ANKRD11: variants seen among roughly 807,000 people sequenced by gnomAD.
ANKRD11 encodes ankyrin repeat domain 11, also known as ankyrin repeat domain-containing protein 11.
Under a neutral mutation model 195.7 loss-of-function variants are expected in ANKRD11, and 17 were observed. The ratio of observed to expected loss-of-function variants is 0.09; its 90% CI spans 0.06 to 0.13. The LOEUF is 0.13. Among genes scored for constraint, ANKRD11 ranks in the 10% least tolerant of loss-of-function variants. The probability of loss-of-function intolerance (pLI) is 1.00; values close to 1 mark genes in which losing one functional copy is unlikely to be tolerated. For missense variants in ANKRD11, 3,735 were observed against 3,566.1 expected (o/e 1.05, Z -1.21); for synonymous variants, 1,953 against 1,528.1 (o/e 1.28, Z -6.49).
chr16:89,278,624 G>A (rs1216406564), intron 9 of ANKRD11: 4 of 459,874 alleles, frequency 8.7e-6, no homozygotes, highest in African/African-American at 2.0e-5. Flanking sequence ...GGAGGAGGTG[G>A]GGGAAGGGAC....
intron 1 of ANKRD11, among the ~76,000 whole-genome samples, chr16:89,419,656 A>T (rs557074981): frequency 7.6e-4 from 116 of 152,310 alleles, no homozygotes; most frequent in African/African-American, 2.7e-3. Flanking sequence ...GACAGGATTG[A>T]AGGCAGCTCC....
chr16:89,366,932 G>A (rs1330091422), intron 2 of ANKRD11, among the ~76,000 whole-genome samples: 3 of 152,176 alleles, frequency 2.0e-5, no homozygotes, highest in South Asian at 2.1e-4. Flanking sequence ...ACCATCCTTC[G>A]CAATCTGGTT....
intron 1 of ANKRD11, among the ~76,000 whole-genome samples, chr16:89,442,559 C>T (rs1017125050): frequency 6.6e-6 from 1 of 152,170 alleles, no homozygotes; most frequent in African/African-American, 2.4e-5. Context: ...CAAAACAAAC[C>T]TGTTTCCACC....
chr16:89,368,484 T>A (rs2040052382), intron 2 of ANKRD11, among the ~76,000 whole-genome samples: 2 of 146,368 alleles, frequency 1.4e-5, no homozygotes, highest in African/African-American at 2.5e-5. Context: ...GCCTCCGAAG[T>A]GCTGGGATTA....
At chr16:89,317,318 G>A (rs1220116076) in intron 2 of ANKRD11, among the ~76,000 whole-genome samples, 1 of 152,224 alleles carries the variant, frequency 6.6e-6, no homozygotes, top group Non-Finnish European at 1.5e-5. Context: ...CAAGCACTTT[G>A]TAGTGGCAGA....
chr16:89,391,170 G>T (rs2041178009), intron 2 of ANKRD11, among the ~76,000 whole-genome samples: 1 of 150,126 alleles, frequency 6.7e-6, no homozygotes, highest in African/African-American at 2.5e-5. Context: ...GGAGCTTGCA[G>T]TGAGCCGAGA....
At chr16:89,273,494 G>A (rs2033362337) in intron 11 of ANKRD11, among the ~76,000 whole-genome samples, 1 of 152,138 alleles carries the variant, frequency 6.6e-6, no homozygotes, top group Non-Finnish European at 1.5e-5. Context: ...AAGGTCAAGA[G>A]ATCGAGACCA....
chr16:89,408,950 G>C (rs1353355526), intron 2 of ANKRD11, among the ~76,000 whole-genome samples: 1 of 152,202 alleles, frequency 6.6e-6, no homozygotes, highest in Admixed American at 6.5e-5. Flanking sequence ...CCGCTGTGGA[G>C]TGCGGTTTCT....
Position 89,285,800 on chromosome 16 carries a change from C to T in ANKRD11, c.893-151G>A, listed in dbSNP as rs2034605699. The T allele has an allele frequency of 1.8e-6, 2 of 1,086,448 alleles. No homozygotes were observed. The highest frequency in any genetic ancestry group is 2.7e-5 in the South Asian group (2 of 74,204). The allele number at this position is 1,086,448 out of a possible 1,614,324, so 67.3% of individuals were successfully genotyped here. Reference sequence around the variant, plus strand: ...TTGCTCGACTCATGGAAACCAGCCACAGGCAGGAGGAAACCAGACAGAGCT... The same window carrying T: ...TTGCTCGACTCATGGAAACCAGCCATAGGCAGGAGGAAACCAGACAGAGCT... On this transcript the variant is annotated intron_variant, in intron 8 of 12. Coordinates refer to ENST00000301030, the MANE Select transcript of ANKRD11 (RefSeq NM_013275.6). This position sits in a 1 kb window ranked among gnomAD's most constrained non-coding sequence, Gnocchi z 5.6.
intron 4 of ANKRD11, 176 bp downstream of exon 4, chr16:89,305,030 G>A: frequency 1.0e-6 from 1 of 955,364 alleles, no homozygotes; most frequent in Non-Finnish European, 1.5e-6. Context: ...GGGTGCAAAG[G>A]AGGTGGCATG....
At position 89,281,425 on chromosome 16, in the gene ANKRD11, G is replaced by A. The variant is rs765241145; in HGVS notation, c.5117C>T (p.Pro1706Leu). 1.9e-6 allele frequency: 3 copies of A among 1,612,708 alleles called. No individual in the cohort carries two copies. Among genetic ancestry groups the A allele is most frequent in the Admixed American group, 3.3e-5 (2 of 59,926 alleles). ...DQSRPTGVPT[P>L]TSVLSCPSYE... ...GCTGGGGCAGGATAGCACCGACGTAGGGGTGGGCACGCCAGTGGGCCGGCT... is the reference window on the plus strand; with the variant it reads ...GCTGGGGCAGGATAGCACCGACGTAAGGGTGGGCACGCCAGTGGGCCGGCT... The change falls in exon 9 of 13, where the codon CCT becomes CTT. Residue 1706 changes from proline to leucine, a missense_variant. By Grantham distance (98) the Pro-to-Leu change is moderately conservative. Coordinates refer to ENST00000301030, the MANE Select transcript of ANKRD11 (RefSeq NM_013275.6). The surrounding 1 kb of genome is among the most constrained non-coding windows in gnomAD (Gnocchi z 5.5).
chr16:89,455,624 A>T (rs1374548141), intron 1 of ANKRD11, among the ~76,000 whole-genome samples: 1 of 152,046 alleles, frequency 6.6e-6, no homozygotes, highest in East Asian at 1.9e-4. Context: ...CGCCTAATGA[A>T]AAAGCTGCTC....
intron 2 of ANKRD11, among the ~76,000 whole-genome samples, chr16:89,408,889 C>T (rs1333472761): frequency 6.6e-6 from 1 of 152,352 alleles, no homozygotes; most frequent in East Asian, 1.9e-4. Flanking sequence ...TCTAGCAGAG[C>T]ATGTGCCTCT....
At chr16:89,375,465 T>G (rs1597831346) in intron 2 of ANKRD11, among the ~76,000 whole-genome samples, 1 of 218 alleles carries the variant, frequency 4.6e-3, no homozygotes, top group African/African-American at 0.25. Flanking sequence ...ACTCTATCTC[T>G]TTTTTTTTTT....
At chr16:89,377,496 G>A (rs140738024) in intron 2 of ANKRD11, among the ~76,000 whole-genome samples, 1,558 of 152,146 alleles carry the variant, frequency 0.01, 13 homozygotes, top group Non-Finnish European at 0.017. Flanking sequence ...GCTGGGGGGC[G>A]GGGAGGGATG....
At chr16:89,436,612 G>C (rs549381349) in intron 1 of ANKRD11, among the ~76,000 whole-genome samples, 1 of 152,168 alleles carries the variant, frequency 6.6e-6, no homozygotes, top group Non-Finnish European at 1.5e-5. Context: ...TGAAGACGCA[G>C]GGGCATCAGC....
intron 1 of ANKRD11, among the ~76,000 whole-genome samples, chr16:89,477,196 T>C (rs2057289839): frequency 6.9e-6 from 1 of 145,006 alleles, no homozygotes. Flanking sequence ...CATTTCCCCT[T>C]TTTTTTTTTT....
chr16:89,424,873 A>T (rs2042655595), intron 1 of ANKRD11, among the ~76,000 whole-genome samples: 1 of 152,074 alleles, frequency 6.6e-6, no homozygotes, highest in African/African-American at 2.4e-5. Context: ...CAAATCAATC[A>T]ATCTCTCTCT....
At chr16:89,326,178 C>A (rs548638533) in intron 2 of ANKRD11, among the ~76,000 whole-genome samples, 1 of 152,326 alleles carries the variant, frequency 6.6e-6, no homozygotes, top group South Asian at 2.1e-4. Flanking sequence ...TAAAAATAAT[C>A]ATGGCCGTAA....
Sources: gnomAD v4.1 joint callset for allele counts (sites outside exome capture counted in the v4.1 genomes callset) on GRCh38, gnomAD v4.1.1 for gene constraint, Gnocchi (gnomAD v3.1) non-coding constraint, MANE v1.5 for transcripts, NCBI Gene and HGNC (gene_info 2026-07-23, HGNC 2026-07-21) for gene names.